The following NCOA2 variants were observed in gnomAD, a reference collection of about 807,000 sequenced individuals.
The protein encoded by NCOA2 is class E basic helix-loop-helix protein 75.
In NCOA2, 21 loss-of-function variants were observed where a neutral mutation model predicts 145.1. The observed-to-expected ratio is 0.14, with a 90% CI of 0.10 to 0.21. NCOA2 has a LOEUF of 0.21. Among genes scored for constraint, NCOA2 ranks in the 10% least tolerant of loss-of-function variants. The pLI is 1.00. For missense variants in NCOA2, 1,472 were observed against 1,837.6 expected (o/e 0.80, Z 3.64); for synonymous variants, 619 against 637.5 (o/e 0.97, Z 0.44).
At chr8:70,426,061 T>C in the NCOA2 span, among the ~76,000 whole-genome samples, 1 of 152,210 alleles carries the variant, frequency 6.6e-6, no homozygotes, top group Non-Finnish European at 1.5e-5. Context: ...AGAATAAAAA[T>C]TAGATGCTAA....
At chr8:70,455,865 C>T in the NCOA2 span, among the ~76,000 whole-genome samples, 6 of 152,098 alleles carry the variant, frequency 3.9e-5, no homozygotes, top group East Asian at 9.6e-4. Context: ...TACTAAAATT[C>T]TATTTGAGAT....
intron 2 of NCOA2, among the ~76,000 whole-genome samples, chr8:70,257,817 A>C (rs1586276619): frequency 1.4e-5 from 2 of 144,942 alleles, no homozygotes; most frequent in Non-Finnish European, 1.5e-5. Flanking sequence ...CTCCCTTCCT[A>C]CCTCCCTGAT....
intron 1 of NCOA2, among the ~76,000 whole-genome samples, chr8:70,300,180 T>A (rs542448731): frequency 1.3e-5 from 2 of 152,188 alleles, no homozygotes; most frequent in African/African-American, 4.8e-5. Context: ...TGTGGGGTGA[T>A]AGAATTGTTC....
intron 1 of NCOA2, among the ~76,000 whole-genome samples, chr8:70,313,763 C>T (rs902908049): frequency 6.6e-6 from 1 of 152,106 alleles, no homozygotes; most frequent in African/African-American, 2.4e-5. Flanking sequence ...CTTCCTAATC[C>T]TTAAAATGTT....
rs187793755 is a variant in NCOA2, at chr8:70,273,665, C to A, written c.-20+23079G>T. ...GACAAAGCAGCTGACAGAAATGCTA[C>A]CCAGAATCTTAAACCAGCTTGGTGC... is the stretch of plus-strand genomic sequence containing the variant. On this transcript the variant is annotated intron_variant, in intron 2 of 22. Coordinates refer to ENST00000452400, the MANE Select transcript of NCOA2 (RefSeq NM_006540.4). 1,340 of 691,884 alleles carry A rather than the reference C, an allele frequency of 1.9e-3. 3 individuals carry two copies. The highest frequency in any genetic ancestry group is 2.7e-3 in the Non-Finnish European group (1,017 of 375,700). The allele number at this position is 691,884 out of a possible 1,614,324, so 42.9% of individuals were successfully genotyped here. A position where few individuals can be genotyped will look rare whatever the true frequency, so the allele number is the denominator to read the frequency against.
chr8:70,428,853 C>T, the NCOA2 span, among the ~76,000 whole-genome samples: 2 of 99,056 alleles, frequency 2.0e-5, no homozygotes, highest in Admixed American at 1.2e-4. Flanking sequence ...GTGCCCATGC[C>T]GAGCTAATTT....
chr8:70,328,339 GTTC>G (rs1205487636), intron 1 of NCOA2, among the ~76,000 whole-genome samples: 2 of 152,132 alleles, frequency 1.3e-5, no homozygotes, highest in Admixed American at 6.5e-5. Context: ...TCTTTCCTCA[GTTC>G]TTCTACAAGA....
chr8:70,121,339 C>A lies in NCOA2; in HGVS notation c.4346G>T (p.Gly1449Val). Reference protein sequence around the residue: ...GGNLFPNQLPGMDMIKQEGDT... With the variant: ...GGNLFPNQLPVMDMIKQEGDT... ...TCCCTCCTGCTTAATCATATCCATT[C>A]CAGGCAGCTGGTTTGGGAACAGGTT... The change falls in exon 22 of 23, where the codon GGA becomes GTA. Residue 1449 changes from glycine (G) to valine (V), a missense_variant. By Grantham distance (109) the Gly-to-Val change is moderately radical. Coordinates refer to ENST00000452400, the MANE Select transcript of NCOA2 (RefSeq NM_006540.4). 1.2e-6 allele frequency: 2 copies of A among 1,613,126 alleles called. No homozygotes were observed. Among genetic ancestry groups the A allele is most frequent in the Non-Finnish European group, 1.7e-6 (2 of 1,179,508 alleles).
At chr8:70,329,208 A>G (rs752433147) in intron 1 of NCOA2, among the ~76,000 whole-genome samples, 20 of 152,000 alleles carry the variant, frequency 1.3e-4, no homozygotes, top group South Asian at 4.2e-4. Flanking sequence ...GTAGCCCCCA[A>G]TGTGTTCAAG....
Position 70,293,587 on chromosome 8 carries a change from A to G in NCOA2, c.-20+3157T>C, listed in dbSNP as rs571867709. 3.3e-5 allele frequency among the ~76,000 whole-genome samples: 5 copies of G among 152,228 alleles called. No homozygotes were observed. In the East Asian group the frequency reaches 9.7e-4, roughly 29 times the overall value. ...GTGAACAATTCACCAACCTACCTTC[A>G]CCCTATCCTCCCACCCAAATCTTCC... is the stretch of plus-strand genomic sequence containing the variant. On this transcript the variant is annotated intron_variant, in intron 2 of 22. Coordinates refer to ENST00000452400, the MANE Select transcript of NCOA2 (RefSeq NM_006540.4).
chr8:70,306,639 G>A (rs984089757), intron 1 of NCOA2, among the ~76,000 whole-genome samples: 6 of 152,146 alleles, frequency 3.9e-5, no homozygotes, highest in African/African-American at 1.2e-4. Context: ...CAGCACTTCG[G>A]GAGGCTGAGG....
chr8:70,214,327 A>G (rs1819362493), intron 3 of NCOA2, among the ~76,000 whole-genome samples: 2 of 152,210 alleles, frequency 1.3e-5, no homozygotes, highest in South Asian at 4.1e-4. Flanking sequence ...TGTCCACTTC[A>G]CAGTGACCTG....
chr8:70,228,004 C>CAAAAAAAAAAA lies in NCOA2; in HGVS notation c.-19-11251_-19-11241dup. Reference sequence around the variant, plus strand: ...TGGGCGACAGAGTGAGACTCCATCTCAAAAAAAAAAAAAAAAAGCCAAATT... The same window carrying CAAAAAAAAAAA: ...TGGGCGACAGAGTGAGACTCCATCTCAAAAAAAAAAAAAAAAAAAAAAAAAAAAGCCAAATT... On this transcript the variant is annotated intron_variant, in intron 2 of 22. Coordinates refer to ENST00000452400, the MANE Select transcript of NCOA2 (RefSeq NM_006540.4). Among the ~76,000 whole-genome samples, 3 of 112,282 alleles carry CAAAAAAAAAAA rather than the reference C, an allele frequency of 2.7e-5. 1 individual carries two copies. Among genetic ancestry groups the CAAAAAAAAAAA allele is most frequent in the Non-Finnish European group, 5.2e-5 (3 of 57,400 alleles). 73.7% of individuals were successfully genotyped at this position (112,282 alleles called of 152,430 possible). A position where few individuals can be genotyped will look rare whatever the true frequency, so the allele number is the denominator to read the frequency against.
At position 70,248,412 on chromosome 8, in the gene NCOA2, C is replaced by A. The variant is rs117734696; in HGVS notation, c.-19-31648G>T. 4.3e-3 allele frequency among the ~76,000 whole-genome samples: 655 copies of A among 152,284 alleles called. 2 individuals carry two copies. The highest frequency in any genetic ancestry group is 7.7e-3 in the Non-Finnish European group (527 of 68,020). On this transcript the variant is annotated intron_variant, in intron 2 of 22. Coordinates refer to ENST00000452400, the MANE Select transcript of NCOA2 (RefSeq NM_006540.4). ...CTCATCCCTGCCAACAACCACGATACTCTGATTTTCTGTTACCACAGATTA... is the reference window on the plus strand; with the variant it reads ...CTCATCCCTGCCAACAACCACGATAATCTGATTTTCTGTTACCACAGATTA...
At chr8:70,219,815 A>G (rs1326593885) in intron 2 of NCOA2, among the ~76,000 whole-genome samples, 1 of 152,066 alleles carries the variant, frequency 6.6e-6, no homozygotes, top group Non-Finnish European at 1.5e-5. Flanking sequence ...ACTGTCTGAT[A>G]TTTCTAATGC....
chr8:70,211,186 C>T (rs920140835), intron 4 of NCOA2, among the ~76,000 whole-genome samples: 2 of 152,176 alleles, frequency 1.3e-5, no homozygotes, highest in African/African-American at 4.8e-5. Flanking sequence ...ATAGGTCAGG[C>T]ACAGTGGCTC....
At chr8:70,258,202 C>A (rs1035416436) in intron 2 of NCOA2, among the ~76,000 whole-genome samples, 1 of 152,156 alleles carries the variant, frequency 6.6e-6, no homozygotes, top group Non-Finnish European at 1.5e-5. Flanking sequence ...CAGGTGTGAA[C>A]CACCTGTAAT....
intron 2 of NCOA2, among the ~76,000 whole-genome samples, chr8:70,271,823 A>C (rs944083923): frequency 3.3e-5 from 5 of 152,222 alleles, no homozygotes; most frequent in African/African-American, 1.2e-4. Flanking sequence ...ACATGTTTGC[A>C]AACACAACCT....
chr8:70,216,683 T>C lies in NCOA2; in HGVS notation c.63A>G (p.Glu21=). The change falls in exon 3 of 23, where the codon GAA becomes GAG. Residue 21 remains glutamate (E), a synonymous_variant. Coordinates refer to ENST00000452400, the MANE Select transcript of NCOA2 (RefSeq NM_006540.4). ...ACCTGGGTCCAAGTTGGTCAGGACA[T>C]TCCTTGCGCTTTCTTGTCTCTGCCC... is the stretch of plus-strand genomic sequence containing the variant. ...PSRAETRKRK[E]CPDQLGPSPK... The C allele has an allele frequency of 6.2e-7, 1 of 1,613,720 alleles. No homozygotes were observed. Among genetic ancestry groups the C allele is most frequent in the Non-Finnish European group, 8.5e-7 (1 of 1,179,608 alleles).
Sources: allele counts gnomAD v4.1 joint callset (sites outside exome capture counted in the v4.1 genomes callset), GRCh38; gene constraint gnomAD v4.1.1; transcripts MANE v1.5; gene names NCBI Gene and HGNC (gene_info 2026-07-23, HGNC 2026-07-21).